PDS5A: variants seen among roughly 807,000 people sequenced by gnomAD.
The protein encoded by PDS5A is sister chromatid cohesion protein PDS5 homolog A.
A neutral mutation model predicts 167.1 loss-of-function variants in PDS5A; 42 were observed. The ratio of observed to expected loss-of-function variants is 0.25; its 90% CI spans 0.20 to 0.33. The LOEUF is 0.33. PDS5A is among the 10% of genes least tolerant of loss of function. The pLI, the probability that PDS5A is intolerant of heterozygous loss-of-function variation, is 1.00. For synonymous variants in PDS5A, 553 were observed against 554.6 expected (o/e 1.00, Z 0.04); for missense variants, 1,033 against 1,605.9 (o/e 0.64, Z 6.10).
At chr4:39,973,385 G>A (rs561743) in intron 2 of PDS5A, 129,324 of 1,581,130 alleles carry the variant, frequency 0.082, 2,672 homozygotes, top group Middle Eastern at 0.14. Context: ...TGAGGATTGC[G>A]AACTCCCGCA....
chr4:39,825,211 T>C lies in PDS5A; in HGVS notation c.*274A>G. ...TGGAACCAAGTGTTAAGCAATTTGCTTAATTATTGACTTTTCGTAAGAAAA... is the reference window on the plus strand; with the variant it reads ...TGGAACCAAGTGTTAAGCAATTTGCCTAATTATTGACTTTTCGTAAGAAAA... On this transcript the variant is annotated 3_prime_UTR_variant, in exon 33 of 33. Coordinates refer to ENST00000303538, the MANE Select transcript of PDS5A (RefSeq NM_001100399.2). The C allele has an allele frequency of 2.8e-6, 1 of 353,448 alleles. No individual in the cohort carries two copies. Among genetic ancestry groups the C allele is most frequent in the Non-Finnish European group, 5.1e-6 (1 of 197,294 alleles). The allele number at this position is 353,448 out of a possible 1,614,324, so 21.9% of individuals were successfully genotyped here. A position where few individuals can be genotyped will look rare whatever the true frequency, so the allele number is the denominator to read the frequency against.
Position 39,893,200 on chromosome 4 carries a change from C to T in PDS5A, c.1771-2836G>A, listed in dbSNP as rs369138762. ...CATAAACTATGACGCACAGCTGAAG[C>T]TATGGCAAGTATGTGGTCCTTCTCT... On this transcript the variant is annotated intron_variant, in intron 16 of 32. Coordinates refer to ENST00000303538, the MANE Select transcript of PDS5A (RefSeq NM_001100399.2). Among the ~76,000 whole-genome samples, 8 of 152,136 alleles carry T rather than the reference C, an allele frequency of 5.3e-5. No individual in the cohort carries two copies. The East Asian group carries it at 1.3e-3, about 26-fold the overall frequency.
intron 2 of PDS5A, among the ~76,000 whole-genome samples, chr4:39,947,661 T>A (rs1727905943): frequency 1.3e-5 from 2 of 152,274 alleles, no homozygotes; most frequent in African/African-American, 4.8e-5. Flanking sequence ...TTTAAGAAAG[T>A]TTATGAATGT....
intron 17 of PDS5A, among the ~76,000 whole-genome samples, chr4:39,882,212 C>T (rs1321406792): frequency 1.3e-5 from 2 of 152,192 alleles, no homozygotes; most frequent in African/African-American, 2.4e-5. Flanking sequence ...TTAATACTAA[C>T]TGTCCTTTCT....
chr4:39,863,263 A>G, intron 24 of PDS5A, 73 bp downstream of exon 24: 1 of 1,190,884 alleles, frequency 8.4e-7, no homozygotes, highest in Non-Finnish European at 1.2e-6. Context: ...TTATAAATGG[A>G]TTTGTATCCA....
intron 2 of PDS5A, among the ~76,000 whole-genome samples, chr4:39,953,415 A>G (rs1246614476): frequency 6.7e-6 from 1 of 148,662 alleles, no homozygotes; most frequent in Non-Finnish European, 1.5e-5. Flanking sequence ...TCAATGGTGA[A>G]GAATCAGTTT....
intron 22 of PDS5A, chr4:39,868,540 A>C: frequency 9.8e-6 from 4 of 406,662 alleles, no homozygotes; most frequent in Non-Finnish European, 1.9e-5. Flanking sequence ...TGTTGTCCAG[A>C]CTGGTCTTGA....
At chr4:39,845,770 C>A in intron 29 of PDS5A, 48 bp downstream of exon 29, 1 of 1,357,568 alleles carries the variant, frequency 7.4e-7, no homozygotes, top group Non-Finnish European at 9.6e-7. Context: ...ATAGCAGAAG[C>A]AAGATACACA....
intron 2 of PDS5A, 89 bp downstream of exon 2, chr4:39,976,351 G>A: frequency 8.9e-7 from 1 of 1,125,092 alleles, no homozygotes; most frequent in Non-Finnish European, 1.3e-6. Flanking sequence ...AAAAAACTTG[G>A]AACTTTAAAG....
At chr4:39,899,822 C>A (rs1478189141) in intron 14 of PDS5A, among the ~76,000 whole-genome samples, 1 of 143,724 alleles carries the variant, frequency 7.0e-6, no homozygotes, top group Non-Finnish European at 1.5e-5. Context: ...TATGCGACAG[C>A]CTGGGCAACA....
intron 28 of PDS5A, chr4:39,848,398 TTGAA>T (rs1560424172): frequency 6.3e-6 from 1 of 159,036 alleles, no homozygotes; most frequent in African/African-American, 2.4e-5. Flanking sequence ...ACACCATTTA[TTGAA>T]TGGTTTTATG....
At chr4:39,976,382 A>C (rs932300633) in intron 2 of PDS5A, 58 bp downstream of exon 2, 1 of 1,480,706 alleles carries the variant, frequency 6.8e-7, no homozygotes, top group African/African-American at 1.4e-5. Flanking sequence ...GCAGGGTAGC[A>C]GTATCACAGG....
chr4:39,848,648 C>T (rs1717853583), intron 28 of PDS5A: 1 of 490,914 alleles, frequency 2.0e-6, no homozygotes, highest in East Asian at 3.7e-5. Flanking sequence ...CTAGAATAAA[C>T]ATAAGATCAA....
Position 39,838,032 on chromosome 4 carries a change from A to C in PDS5A, c.3834T>G (p.Ser1278=). The C allele has an allele frequency of 6.2e-7, 1 of 1,613,922 alleles. No individual in the cohort carries two copies. The highest frequency in any genetic ancestry group is 1.6e-4 in the Middle Eastern group (1 of 6,062). Residue 1278 remains serine, a synonymous_variant, in exon 32 of 33, where the codon TCT becomes TCG. Coordinates refer to ENST00000303538, the MANE Select transcript of PDS5A (RefSeq NM_001100399.2). ...PRRGRRPKSE[S]QGNATKNDDL... Reference sequence around the variant, plus strand: ...CATCATTTTTGGTAGCATTGCCCTGAGATTCAGACTTGGGTCGACGTCCTC... The same window carrying C: ...CATCATTTTTGGTAGCATTGCCCTGCGATTCAGACTTGGGTCGACGTCCTC...
chr4:39,839,877 C>CCT (rs1716803910), intron 31 of PDS5A, among the ~76,000 whole-genome samples: 1 of 151,698 alleles, frequency 6.6e-6, no homozygotes, highest in South Asian at 2.1e-4. Flanking sequence ...GGGCGAATCA[C>CCT]GAGGTCAGGA....
At chr4:39,904,713 G>T (rs1430721820) in intron 11 of PDS5A, among the ~76,000 whole-genome samples, 1 of 152,124 alleles carries the variant, frequency 6.6e-6, no homozygotes, top group African/African-American at 2.4e-5. Context: ...TCTTTTTAAA[G>T]AAATGGGGTT....
intron 27 of PDS5A, 130 bp downstream of exon 27, chr4:39,849,390 C>T (rs2109514957): frequency 1.6e-6 from 1 of 623,928 alleles, no homozygotes; most frequent in South Asian, 2.3e-5. Flanking sequence ...AAACTGACTA[C>T]ACATTTACTT....
At chr4:39,843,856 A>T (rs1717297761) in intron 30 of PDS5A, among the ~76,000 whole-genome samples, 1 of 151,986 alleles carries the variant, frequency 6.6e-6, no homozygotes, top group Non-Finnish European at 1.5e-5. Context: ...TGAAAATACT[A>T]AAATGTGCCC....
intron 17 of PDS5A, among the ~76,000 whole-genome samples, chr4:39,886,583 CA>C (rs1025568858): frequency 3.3e-5 from 5 of 151,796 alleles, no homozygotes; most frequent in African/African-American, 1.2e-4. Flanking sequence ...TGCAGTGGCG[CA>C]TAACTGTAAT....
Sources: gnomAD v4.1 joint callset for allele counts (sites outside exome capture counted in the v4.1 genomes callset) on GRCh38, gnomAD v4.1.1 for gene constraint, MANE v1.5 for transcripts, NCBI Gene and HGNC (gene_info 2026-07-23, HGNC 2026-07-21) for gene names.